The following KCNIP3 variants were observed in gnomAD, a reference collection of about 807,000 sequenced individuals.
The protein encoded by KCNIP3 is calsenilin.
A neutral mutation model predicts 35.0 loss-of-function variants in KCNIP3; 28 were observed. The ratio of observed to expected loss-of-function variants is 0.80; its 90% CI spans 0.59 to 1.10. KCNIP3 has a LOEUF of 1.10. KCNIP3 is among the 50% of genes least tolerant of loss of function. KCNIP3 has a pLI of 0.00. For synonymous variants in KCNIP3, 134 were observed against 133.8 expected (o/e 1.00, Z -0.01); for missense variants, 295 against 338.4 (o/e 0.87, Z 1.01).
intron 2 of KCNIP3, among the ~76,000 whole-genome samples, chr2:95,323,533 T>G (rs550098004): frequency 2.6e-4 from 39 of 152,102 alleles, no homozygotes; most frequent in African/African-American, 8.9e-4. Flanking sequence ...GAGTGCTCTC[T>G]GCAGGCATTC....
intron 8 of KCNIP3, 67 bp downstream of exon 8, chr2:95,383,361 C>A: frequency 2.0e-6 from 3 of 1,497,044 alleles, no homozygotes; most frequent in South Asian, 2.3e-5. Flanking sequence ...TGGTTGGCAG[C>A]GTCTGCCCCT....
At chr2:95,364,948 T>C (rs1679884050) in intron 2 of KCNIP3, among the ~76,000 whole-genome samples, 1 of 152,060 alleles carries the variant, frequency 6.6e-6, no homozygotes. Flanking sequence ...TAGCTGGTTA[T>C]AGTGGTGTGT....
In KCNIP3 at chr2:95,325,582, C is replaced by T. The variant is rs115659901; in HGVS notation, c.181+15062C>T. 8.2e-3 allele frequency among the ~76,000 whole-genome samples: 1,249 copies of T among 152,010 alleles called. 17 individuals carry two copies. Among genetic ancestry groups the T allele is most frequent in the African/African-American group, 0.029 (1,197 of 41,450 alleles). On this transcript the variant is annotated intron_variant, in intron 2 of 8. Coordinates refer to ENST00000295225, the MANE Select transcript of KCNIP3 (RefSeq NM_013434.5). ...CAGGGGGCAGGTCAGGGCACATGCA[C>T]GCACACACGCACTCACACACTCATA...
chr2:95,321,015 C>T (rs958147457), intron 2 of KCNIP3, among the ~76,000 whole-genome samples: 3 of 139,838 alleles, frequency 2.1e-5, no homozygotes, highest in Non-Finnish European at 3.1e-5. Flanking sequence ...CCTCCCTGAC[C>T]CCCAGCCTCT....
intron 2 of KCNIP3, among the ~76,000 whole-genome samples, chr2:95,331,173 AG>A (rs1359113165): frequency 2.6e-5 from 4 of 152,112 alleles, no homozygotes; most frequent in Non-Finnish European, 4.4e-5. Flanking sequence ...GTGGCTGTCC[AG>A]GGTGGCAGCG....
intron 1 of KCNIP3, among the ~76,000 whole-genome samples, chr2:95,304,006 G>C (rs1421579939): frequency 1.3e-5 from 2 of 152,214 alleles, no homozygotes; most frequent in African/African-American, 4.8e-5. Context: ...GTAAGTAAAT[G>C]TTTGGAACCC....
intron 2 of KCNIP3, chr2:95,311,995 C>T (rs1011535806): frequency 9.9e-5 from 15 of 152,232 alleles, no homozygotes; most frequent in Admixed American, 8.5e-4. Context: ...TGAAAATGCG[C>T]CTGCTCTCCC....
intron 2 of KCNIP3, among the ~76,000 whole-genome samples, chr2:95,317,714 G>A (rs1678494337): frequency 6.6e-6 from 1 of 152,196 alleles, no homozygotes; most frequent in African/African-American, 2.4e-5. Context: ...GAAAAAGAAA[G>A]GTGTTGAGTG....
At chr2:95,361,535 G>A (rs1679798541) in intron 2 of KCNIP3, among the ~76,000 whole-genome samples, 1 of 152,186 alleles carries the variant, frequency 6.6e-6, no homozygotes, top group Non-Finnish European at 1.5e-5. Flanking sequence ...CTTGACCCCA[G>A]TTCACCTGCT....
At chr2:95,317,796 G>A (rs2104221185) in intron 2 of KCNIP3, among the ~76,000 whole-genome samples, 1 of 152,318 alleles carries the variant, frequency 6.6e-6, no homozygotes, top group African/African-American at 2.4e-5. Context: ...ACAGTGGCAG[G>A]CAGGGCAGAG....
chr2:95,325,998 C>T (rs1678762088), intron 2 of KCNIP3, among the ~76,000 whole-genome samples: 1 of 151,624 alleles, frequency 6.6e-6, no homozygotes. Context: ...CACTCACACA[C>T]ACTCAGACAC....
At chr2:95,381,432 C>T (rs1021300938) in intron 5 of KCNIP3, among the ~76,000 whole-genome samples, 164 bp from the exon 6 acceptor site, 2 of 152,194 alleles carry the variant, frequency 1.3e-5, no homozygotes, top group Admixed American at 6.5e-5. Flanking sequence ...CGCTCACACA[C>T]GGGCACACAC....
chr2:95,379,252 C>A, intron 5 of KCNIP3, among the ~76,000 whole-genome samples: 1 of 152,212 alleles, frequency 6.6e-6, no homozygotes, highest in East Asian at 1.9e-4. Context: ...GTGAACTGGA[C>A]CCCTCGCTGA....
chr2:95,337,440 T>C (rs1679087774), intron 2 of KCNIP3, among the ~76,000 whole-genome samples: 1 of 152,096 alleles, frequency 6.6e-6, no homozygotes, highest in Non-Finnish European at 1.5e-5. Flanking sequence ...GATGTTTGTA[T>C]GGTTAAAAAT....
rs374761759 is a variant in KCNIP3 at position 95,381,275 on chromosome 2, T to A, written c.448-321T>A. ...CATGCACTCACACAGGTTCACACAC[T>A]CACACAGGTGCACACACAGGTGCAC... On this transcript the variant is annotated intron_variant, in intron 5 of 8. Transcript: ENST00000295225. Among the ~76,000 whole-genome samples, 60 of 152,104 alleles carry A rather than the reference T, an allele frequency of 3.9e-4. No individual in the cohort carries two copies. The South Asian group carries it at 0.012, about 31-fold the overall frequency.
At chr2:95,383,800 G>A (rs1680413434) in intron 8 of KCNIP3, among the ~76,000 whole-genome samples, 1 of 152,198 alleles carries the variant, frequency 6.6e-6, no homozygotes, top group South Asian at 2.1e-4. Context: ...GTCAGGAGTG[G>A]GGTTGAAGAC....
At chr2:95,328,599 T>C (rs1295202332) in intron 2 of KCNIP3, among the ~76,000 whole-genome samples, 1 of 152,238 alleles carries the variant, frequency 6.6e-6, no homozygotes, top group Admixed American at 6.5e-5. Context: ...GTGTGCACAC[T>C]CCTGTGTGTG....
At chr2:95,326,094 T>TA (rs1426908517) in intron 2 of KCNIP3, among the ~76,000 whole-genome samples, 2 of 58,574 alleles carry the variant, frequency 3.4e-5, no homozygotes, top group Non-Finnish European at 6.8e-5. Context: ...CATATACACA[T>TA]ACACACATAT....
intron 5 of KCNIP3, among the ~76,000 whole-genome samples, chr2:95,380,856 A>G (rs141848856): frequency 6.6e-6 from 1 of 152,166 alleles, no homozygotes; most frequent in Non-Finnish European, 1.5e-5. Flanking sequence ...CTCTATAAGT[A>G]TAAAATAAAT....
Sources: allele counts gnomAD v4.1 joint callset (sites outside exome capture counted in the v4.1 genomes callset), GRCh38; gene constraint gnomAD v4.1.1; transcripts MANE v1.5; gene names NCBI Gene and HGNC (gene_info 2026-07-23, HGNC 2026-07-21).